BNC2: variants seen among roughly 807,000 people sequenced by gnomAD.
BNC2 encodes zinc finger protein basonuclin-2.
In BNC2, 20 loss-of-function variants were observed where a neutral mutation model predicts 76.3. The observed-to-expected ratio is 0.26, with a 90% CI of 0.18 to 0.38. The LOEUF (loss-of-function observed/expected upper bound fraction) is 0.38. Ranked by LOEUF, BNC2 falls within the 10% of genes least tolerant of loss-of-function variation. The probability of loss-of-function intolerance (pLI) is 1.00; values close to 1 mark genes in which losing one functional copy is unlikely to be tolerated. For synonymous variants in BNC2, 582 were observed against 514.8 expected (o/e 1.13, Z -1.77); for missense variants, 1,382 against 1,399.8 (o/e 0.99, Z 0.20).
At chr9:16,843,421 C>A (rs1265995084) in intron 1 of BNC2, among the ~76,000 whole-genome samples, 1 of 152,216 alleles carries the variant, frequency 6.6e-6, no homozygotes. Context: ...AGCTCCGCCT[C>A]CCGGGCTCAA....
At chr9:16,646,187 A>C (rs988135579) in intron 3 of BNC2, among the ~76,000 whole-genome samples, 1 of 152,220 alleles carries the variant, frequency 6.6e-6, no homozygotes, top group African/African-American at 2.4e-5. Flanking sequence ...GATGTGAACC[A>C]AGAATACCCA....
At chr9:16,832,869 G>C (rs1347706503) in intron 1 of BNC2, among the ~76,000 whole-genome samples, 1 of 152,044 alleles carries the variant, frequency 6.6e-6, no homozygotes, top group Non-Finnish European at 1.5e-5. Context: ...GGGACTACAG[G>C]CACGCACCAC....
At chr9:16,470,440 T>C (rs1371607325) in intron 5 of BNC2, among the ~76,000 whole-genome samples, 2 of 152,206 alleles carry the variant, frequency 1.3e-5, no homozygotes, top group African/African-American at 4.8e-5. Flanking sequence ...GAGCCTAATG[T>C]TAATCCCCAA....
At chr9:16,640,286 C>T (rs1472543515) in intron 3 of BNC2, among the ~76,000 whole-genome samples, 1 of 152,160 alleles carries the variant, frequency 6.6e-6, no homozygotes, top group Admixed American at 6.5e-5. Context: ...CTCAATCTCT[C>T]TCTCTTTCTC....
chr9:16,851,972 G>A (rs1163808184), intron 1 of BNC2, among the ~76,000 whole-genome samples: 1 of 148,306 alleles, frequency 6.7e-6, no homozygotes, highest in Non-Finnish European at 1.5e-5. Context: ...ACACATTCAT[G>A]CTGAATCTCA....
At chr9:16,783,827 C>A (rs1474378375) in intron 1 of BNC2, among the ~76,000 whole-genome samples, 2 of 152,164 alleles carry the variant, frequency 1.3e-5, no homozygotes, top group African/African-American at 4.8e-5. Flanking sequence ...TCATCCCTAA[C>A]CTTTGGCTAA....
chr9:16,561,718 A>C (rs1207606415), intron 4 of BNC2, among the ~76,000 whole-genome samples: 1 of 152,214 alleles, frequency 6.6e-6, no homozygotes, highest in African/African-American at 2.4e-5. Flanking sequence ...AAAAGAATTA[A>C]TAGGCCAGCT....
intron 5 of BNC2, among the ~76,000 whole-genome samples, chr9:16,502,750 C>T (rs1822547258): frequency 1.3e-5 from 2 of 152,094 alleles, no homozygotes; most frequent in African/African-American, 4.8e-5. Context: ...TAAAGATGTT[C>T]CATTTCAAAA....
chr9:16,689,749 G>A (rs1177572822), intron 3 of BNC2, among the ~76,000 whole-genome samples: 1 of 151,970 alleles, frequency 6.6e-6, no homozygotes, highest in Non-Finnish European at 1.5e-5. Flanking sequence ...CAAGCCAAAA[G>A]GAAGACCCAA....
At chr9:16,543,406 G>A (rs1302144109) in intron 5 of BNC2, among the ~76,000 whole-genome samples, 2 of 152,136 alleles carry the variant, frequency 1.3e-5, no homozygotes, top group Admixed American at 6.5e-5. Context: ...GAGATCATAT[G>A]ATTTAATCAG....
intron 3 of BNC2, among the ~76,000 whole-genome samples, chr9:16,700,884 T>C (rs918248724): frequency 2.6e-5 from 4 of 152,206 alleles, no homozygotes; most frequent in African/African-American, 7.2e-5. Context: ...TGAGACTTTC[T>C]TGAACCTGAG....
intron 3 of BNC2, among the ~76,000 whole-genome samples, chr9:16,608,149 A>G (rs536262852): frequency 6.6e-6 from 1 of 152,276 alleles, no homozygotes; most frequent in East Asian, 1.9e-4. Flanking sequence ...ACTTTCCATG[A>G]GCAGAAAAAG....
At chr9:16,580,272 G>T in intron 4 of BNC2, 1 of 397,646 alleles carries the variant, frequency 2.5e-6, no homozygotes, top group South Asian at 1.3e-4. Flanking sequence ...TTGGCCTCAT[G>T]AATGGGGAGA....
chr9:16,833,680 G>C (rs1818635779), intron 1 of BNC2, among the ~76,000 whole-genome samples: 1 of 152,154 alleles, frequency 6.6e-6, no homozygotes. Context: ...CTGCACTTAA[G>C]ACAAATGGTG....
chr9:16,869,521 G>A (rs898437797), intron 1 of BNC2, among the ~76,000 whole-genome samples: 1 of 152,090 alleles, frequency 6.6e-6, no homozygotes, highest in Admixed American at 6.6e-5. Flanking sequence ...AGGGAGCAGG[G>A]AAGAGGAAAA....
chr9:16,837,847 G>A (rs919184394), intron 1 of BNC2, among the ~76,000 whole-genome samples: 5 of 151,770 alleles, frequency 3.3e-5, no homozygotes, highest in Non-Finnish European at 5.9e-5. Context: ...AAAGCTCAGG[G>A]TTTCCAGGAG....
intron 5 of BNC2, among the ~76,000 whole-genome samples, chr9:16,514,291 G>C (rs1822828052): frequency 6.6e-6 from 1 of 152,176 alleles, no homozygotes; most frequent in East Asian, 1.9e-4. Context: ...TCTGTGCAAA[G>C]AATAAATGTA....
chr9:16,451,329 T>TA (rs1303607794), intron 5 of BNC2, among the ~76,000 whole-genome samples: 2 of 152,166 alleles, frequency 1.3e-5, no homozygotes, highest in African/African-American at 2.4e-5. Flanking sequence ...AGATAGCCAT[T>TA]AAAAAAATAG....
At chr9:16,472,145 T>C (rs532634358) in intron 5 of BNC2, among the ~76,000 whole-genome samples, 3 of 152,322 alleles carry the variant, frequency 2.0e-5, no homozygotes, top group African/African-American at 4.8e-5. Flanking sequence ...TCTTAAGATC[T>C]GTAAGGATAT....
Sources: allele counts gnomAD v4.1 joint callset (sites outside exome capture counted in the v4.1 genomes callset), GRCh38; gene constraint gnomAD v4.1.1; transcripts MANE v1.5; gene names NCBI Gene and HGNC (gene_info 2026-07-23, HGNC 2026-07-21).